Variants in MAP2K4 observed in about 807,000 individuals in gnomAD.
MAP2K4 encodes the protein mitogen-activated protein kinase kinase 4.
A neutral mutation model predicts 48.5 loss-of-function variants in MAP2K4; 4 were observed. The ratio of observed to expected loss-of-function variants is 0.08; its 90% CI spans 0.04 to 0.19. The LOEUF is 0.19. Among genes scored for constraint, MAP2K4 ranks in the 10% least tolerant of loss-of-function variants. The pLI is 1.00. For missense variants in MAP2K4, 258 were observed against 493.3 expected, an observed-to-expected ratio of 0.52 and a Z score of 4.52; for synonymous variants, 166 against 173.1, an observed-to-expected ratio of 0.96 and a Z score of 0.32.
chr17:12,075,570 G>T (rs1015423019), intron 2 of MAP2K4, among the ~76,000 whole-genome samples: 13 of 152,172 alleles, frequency 8.5e-5, no homozygotes, highest in African/African-American at 3.1e-4. Flanking sequence ...AGGCTCAGGG[G>T]CGCTATCTCA....
chr17:12,023,806 TG>T (rs1969169801), intron 1 of MAP2K4, among the ~76,000 whole-genome samples: 1 of 152,152 alleles, frequency 6.6e-6, no homozygotes, highest in Non-Finnish European at 1.5e-5. Context: ...CCAGGGGCAA[TG>T]AACTTGGCCT....
chr17:12,030,945 A>G (rs1304398654), intron 1 of MAP2K4, among the ~76,000 whole-genome samples: 1 of 152,116 alleles, frequency 6.6e-6, no homozygotes, highest in African/African-American at 2.4e-5. Flanking sequence ...TTCTTCCTGA[A>G]TGTAGTCAGC....
intron 3 of MAP2K4, among the ~76,000 whole-genome samples, chr17:12,082,604 A>G (rs1160212283): frequency 6.6e-6 from 1 of 152,228 alleles, no homozygotes; most frequent in African/African-American, 2.4e-5. Flanking sequence ...TTGTGAGCCA[A>G]ACCTTACTGT....
chr17:12,021,171 C>T (rs1157280518), intron 1 of MAP2K4, among the ~76,000 whole-genome samples, 170 bp downstream of exon 1: 1 of 151,728 alleles, frequency 6.6e-6, no homozygotes, highest in Admixed American at 6.6e-5. Context: ...GCCTCCGGCC[C>T]GGCTTGGATC....
At chr17:12,056,964 C>T (rs1172642718) in intron 2 of MAP2K4, among the ~76,000 whole-genome samples, 2 of 151,950 alleles carry the variant, frequency 1.3e-5, no homozygotes, top group Non-Finnish European at 2.9e-5. Context: ...GAATATAAAA[C>T]TTGTTCATGA....
At chr17:12,122,937 A>G (rs1360732183) in intron 7 of MAP2K4, among the ~76,000 whole-genome samples, 1 of 152,040 alleles carries the variant, frequency 6.6e-6, no homozygotes, top group Non-Finnish European at 1.5e-5. Context: ...CATTGCATTG[A>G]TTTTCAAGTA....
chr17:12,021,574 G>T (rs1969058382), intron 1 of MAP2K4: 1 of 141,448 alleles, frequency 7.1e-6, no homozygotes, highest in South Asian at 2.5e-4. Context: ...TGGAACCTGC[G>T]TTTTCAAACT....
intron 3 of MAP2K4, among the ~76,000 whole-genome samples, chr17:12,095,229 A>AT (rs1597461570): frequency 6.6e-6 from 1 of 152,196 alleles, no homozygotes; most frequent in Non-Finnish European, 1.5e-5. Context: ...AATTATTCAT[A>AT]TGAAACTGTT....
chr17:12,107,711 T>C, intron 4 of MAP2K4, 79 bp from the exon 5 acceptor site: 1 of 1,217,076 alleles, frequency 8.2e-7, no homozygotes, highest in Non-Finnish European at 1.2e-6. Context: ...ATTGCTCCTT[T>C]CTATTGTATT....
rs1294274300 is a variant in MAP2K4, at chr17:12,020,922, C to G, written c.36C>G (p.Ser12=). 1 of 1,217,612 alleles carries G rather than the reference C, an allele frequency of 8.2e-7. No homozygotes were observed. Among genetic ancestry groups the G allele is most frequent in the African/African-American group, 1.6e-5 (1 of 63,806 alleles). 75.4% of individuals were successfully genotyped at this position (1,217,612 alleles called of 1,614,324 possible). ...AAPSPSGGGG[S]GGGSGSGTPG... is the part of the protein sequence containing the mutation. ...CGAGCCCGAGCGGCGGCGGCGGCTC[C>G]GGGGGCGGCAGCGGCAGCGGCACCC... The change falls in exon 1 of 11, where the codon TCC becomes TCG. Residue 12 remains serine (S), a synonymous_variant. Coordinates refer to ENST00000353533, the MANE Select transcript of MAP2K4 (RefSeq NM_003010.4).
At chr17:12,126,128 G>T (rs771156089) in intron 8 of MAP2K4, among the ~76,000 whole-genome samples, 3 of 152,098 alleles carry the variant, frequency 2.0e-5, no homozygotes, top group African/African-American at 7.2e-5. Context: ...CCACCAGGCC[G>T]CTCCTTCAAC....
chr17:12,110,585 A>C (rs372400955), intron 6 of MAP2K4, 159 bp downstream of exon 6: 3 of 571,766 alleles, frequency 5.2e-6, no homozygotes, highest in Non-Finnish European at 9.3e-6. Context: ...TATTACTGCT[A>C]TTTTTTTCTT....
chr17:12,122,820 G>A (rs1555551761), intron 7 of MAP2K4, among the ~76,000 whole-genome samples: 1 of 152,146 alleles, frequency 6.6e-6, no homozygotes, highest in Non-Finnish European at 1.5e-5. Context: ...TTCTCTTAGT[G>A]TGTTGTTATT....
At chr17:12,082,670 G>A (rs1971231303) in intron 3 of MAP2K4, among the ~76,000 whole-genome samples, 1 of 152,230 alleles carries the variant, frequency 6.6e-6, no homozygotes, top group African/African-American at 2.4e-5. Context: ...TCATATGAAA[G>A]TAATGTTAAA....
intron 2 of MAP2K4, among the ~76,000 whole-genome samples, chr17:12,068,380 G>A (rs1359377457): frequency 6.6e-6 from 1 of 152,122 alleles, no homozygotes; most frequent in Non-Finnish European, 1.5e-5. Context: ...ACTGAAAGGA[G>A]GTAAGAATAT....
At chr17:12,105,826 T>C (rs1179151021) in intron 4 of MAP2K4, among the ~76,000 whole-genome samples, 1 of 152,102 alleles carries the variant, frequency 6.6e-6, no homozygotes, top group Non-Finnish European at 1.5e-5. Context: ...CATCTTCAGT[T>C]CTCGGTTTAC....
chr17:12,092,995 C>T (rs961366534), intron 3 of MAP2K4, among the ~76,000 whole-genome samples: 3 of 152,132 alleles, frequency 2.0e-5, no homozygotes, highest in Non-Finnish European at 4.4e-5. Context: ...CACTGCACTC[C>T]GGCCTGGGCG....
chr17:12,134,653 A>G lies in MAP2K4; in HGVS notation c.1041-5186A>G, dbSNP rs78820780. 6.2e-3 allele frequency among the ~76,000 whole-genome samples: 947 copies of G among 152,346 alleles called. 2 individuals are homozygous for G. The highest frequency in any genetic ancestry group is 0.036 in the East Asian group (186 of 5,184). On this transcript the variant is annotated intron_variant, in intron 9 of 10. Transcript: ENST00000353533. ...ATAACTCAAGTTCTTAGATTAAAAT[A>G]CCAGACCAAATTAAACAAGAGAGTA... is the stretch of plus-strand genomic sequence containing the variant.
intron 9 of MAP2K4, among the ~76,000 whole-genome samples, chr17:12,130,744 C>T (rs906287009): frequency 4.6e-5 from 7 of 152,172 alleles, no homozygotes; most frequent in Admixed American, 2.6e-4. Flanking sequence ...CTCATATTAG[C>T]TCTCCACATT....
Sources: allele counts gnomAD v4.1 joint callset (sites outside exome capture counted in the v4.1 genomes callset), GRCh38; gene constraint gnomAD v4.1.1; transcripts MANE v1.5; gene names NCBI Gene and HGNC (gene_info 2026-07-23, HGNC 2026-07-21).